The following OPHN1 variants were observed in gnomAD, a reference collection of about 807,000 sequenced individuals.
The protein encoded by OPHN1 is oligophrenin 1, also known as oligophrenin-1.
A neutral mutation model predicts 60.7 loss-of-function variants in OPHN1; 11 were observed. The ratio of observed to expected loss-of-function variants is 0.18; its 90% CI spans 0.11 to 0.30. The LOEUF (loss-of-function observed/expected upper bound fraction) is 0.30, where lower values mean the gene tolerates loss of function less well. OPHN1 is among the 10% of genes least tolerant of loss of function. The probability of loss-of-function intolerance (pLI) is 1.00; values close to 1 mark genes in which losing one functional copy is unlikely to be tolerated. For missense variants in OPHN1, 449 were observed against 611.0 expected (o/e 0.73, Z 2.80); for synonymous variants, 226 against 222.6 (o/e 1.02, Z -0.14).
At chrX:68,088,713 T>C (rs1337376638) in intron 19 of OPHN1, among the ~76,000 whole-genome samples, 4 of 110,619 alleles carry the variant, frequency 3.6e-5, no homozygotes, top group Non-Finnish European at 7.6e-5. Flanking sequence ...ATGTACAAAG[T>C]ACTTGAAACA....
At chrX:68,319,502 G>A (rs1170026258) in intron 2 of OPHN1, among the ~76,000 whole-genome samples, 1 of 110,972 alleles carries the variant, frequency 9.0e-6, no homozygotes, top group East Asian at 2.8e-4. Context: ...TTGGGAGGCC[G>A]AGGCAGGTGG....
intron 2 of OPHN1, among the ~76,000 whole-genome samples, chrX:68,395,514 C>A (rs746955031): frequency 9.3e-6 from 1 of 107,666 alleles, no homozygotes; most frequent in Admixed American, 1.0e-4. Context: ...ATGGCACGAT[C>A]TCGGCTCACT....
intron 2 of OPHN1, among the ~76,000 whole-genome samples, chrX:68,311,663 C>A (rs915881748): frequency 8.9e-6 from 1 of 112,177 alleles, no homozygotes; most frequent in Non-Finnish European, 1.9e-5. Flanking sequence ...GAGCTCCTGA[C>A]CTCAAGTGAT....
intron 2 of OPHN1, among the ~76,000 whole-genome samples, chrX:68,398,960 AGTGTGT>A (rs113103699): frequency 0.041 from 3,926 of 94,754 alleles, 82 homozygotes; most frequent in Non-Finnish European, 0.045. Flanking sequence ...AAACAAAAAA[AGTGTGT>A]GTGTGTGTGT....
At chrX:68,262,515 G>A (rs995033458) in intron 5 of OPHN1, among the ~76,000 whole-genome samples, 1 of 112,177 alleles carries the variant, frequency 8.9e-6, no homozygotes, top group East Asian at 2.8e-4. Flanking sequence ...TGGGCGTGGT[G>A]GCTCACCCCT....
At chrX:68,416,033 A>T (rs1401751979) in intron 2 of OPHN1, among the ~76,000 whole-genome samples, 14 of 29,773 alleles carry the variant, frequency 4.7e-4, no homozygotes, top group Admixed American at 2.8e-3. Flanking sequence ...AAAATTATAT[A>T]ATATATATAT....
rs1189295859 is a variant in OPHN1 at position 68,248,275 on chromosome X, GC to G, written c.385-13688del. On this transcript the variant is annotated intron_variant, in intron 5 of 24. Transcript: ENST00000355520. ...GAAAAGAAAACTGGACCAAAAATGG[GC>G]AAAAGATTTGAATAGACATTTCTCA... 2.9e-5 allele frequency among the ~76,000 whole-genome samples: 3 copies of G among 102,591 alleles called. No individual in the cohort carries two copies. In the Admixed American group the frequency reaches 3.1e-4, roughly 11 times the overall value. The allele number at this position is 102,591 out of a possible 115,157, so 89.1% of individuals were successfully genotyped here. A position where few individuals can be genotyped will look rare whatever the true frequency, so the allele number is the denominator to read the frequency against.
chrX:68,170,992 G>A lies in OPHN1; in HGVS notation c.1276+21927C>T, dbSNP rs968671220. On this transcript the variant is annotated intron_variant, in intron 15 of 24. Coordinates refer to ENST00000355520, the MANE Select transcript of OPHN1 (RefSeq NM_002547.3). Reference sequence around the variant, plus strand: ...GTTACAAGAGTCTGGGAAGAAGCAGGGGAGTGGAGATGGTTAATAGGTACA... The same window carrying A: ...GTTACAAGAGTCTGGGAAGAAGCAGAGGAGTGGAGATGGTTAATAGGTACA... 3.6e-5 allele frequency among the ~76,000 whole-genome samples: 4 copies of A among 111,097 alleles called. No individual in the cohort carries two copies. In the Admixed American group the frequency reaches 3.8e-4, roughly 11 times the overall value.
chrX:68,298,613 C>T (rs944393287), intron 3 of OPHN1, among the ~76,000 whole-genome samples: 8 of 111,904 alleles, frequency 7.1e-5, no homozygotes, highest in African/African-American at 2.6e-4. Flanking sequence ...GTTGTAGACA[C>T]ACAAATGCTA....
At chrX:68,270,851 T>C (rs955815370) in intron 5 of OPHN1, among the ~76,000 whole-genome samples, 1 of 111,656 alleles carries the variant, frequency 9.0e-6, no homozygotes, top group Non-Finnish European at 1.9e-5. Flanking sequence ...AGAAGTGCTG[T>C]TTCCTGCAAA....
At chrX:68,056,493 T>C (rs980453165) in intron 21 of OPHN1, among the ~76,000 whole-genome samples, 9 of 111,885 alleles carry the variant, frequency 8.0e-5, no homozygotes, top group Non-Finnish European at 1.5e-4. Context: ...ACACTATTCA[T>C]GTGCACACAT....
chrX:68,272,506 C>G (rs2077974653), intron 5 of OPHN1, among the ~76,000 whole-genome samples: 1 of 112,236 alleles, frequency 8.9e-6, no homozygotes, highest in Non-Finnish European at 1.9e-5. Context: ...GATTATAATA[C>G]AGTATTTTTA....
chrX:68,422,484 A>G (rs986411435), intron 2 of OPHN1, among the ~76,000 whole-genome samples: 3 of 104,207 alleles, frequency 2.9e-5, no homozygotes, highest in Non-Finnish European at 5.9e-5. Context: ...ACAGACAGAA[A>G]GAGAGAGAGA....
At chrX:68,059,272 G>T (rs1006267061) in intron 21 of OPHN1, among the ~76,000 whole-genome samples, 2 of 111,784 alleles carry the variant, frequency 1.8e-5, no homozygotes, top group Admixed American at 9.5e-5. Context: ...CTTAACATTT[G>T]CAGAGTTCTT....
Position 68,045,537 on chromosome X carries a change from C to T in OPHN1, c.*1635G>A, listed in dbSNP as rs1339754763. The T allele has an allele frequency of 8.9e-6, 1 of 111,819 alleles. No individual in the cohort carries two copies. Among genetic ancestry groups the T allele is most frequent in the Non-Finnish European group, 1.9e-5 (1 of 53,220 alleles). 9.2% of individuals were successfully genotyped at this position (111,819 alleles called of 1,213,427 possible). Reference sequence around the variant, plus strand: ...GTAGAAGAGTGCAAGTAGGAAAGCTCTTTCCCTCACACTGGGCAACATTAT... The same window carrying T: ...GTAGAAGAGTGCAAGTAGGAAAGCTTTTTCCCTCACACTGGGCAACATTAT... On this transcript the variant is annotated 3_prime_UTR_variant, in exon 25 of 25. Coordinates refer to ENST00000355520, the MANE Select transcript of OPHN1 (RefSeq NM_002547.3).
chrX:68,181,353 G>T (rs753676154), intron 15 of OPHN1, among the ~76,000 whole-genome samples: 8 of 111,608 alleles, frequency 7.2e-5, no homozygotes, highest in Non-Finnish European at 1.3e-4. Flanking sequence ...GATTAAAATT[G>T]CCAGATAAAA....
intron 15 of OPHN1, among the ~76,000 whole-genome samples, chrX:68,155,210 G>T (rs2077304162): frequency 9.0e-6 from 1 of 111,678 alleles, no homozygotes; most frequent in African/African-American, 3.3e-5. Flanking sequence ...ATAAATCAGT[G>T]GTTCTCTCAT....
chrX:68,254,676 G>T (rs955152124), intron 5 of OPHN1, among the ~76,000 whole-genome samples: 8 of 111,133 alleles, frequency 7.2e-5, no homozygotes, highest in Admixed American at 2.9e-4. Flanking sequence ...GGCAACTTTG[G>T]TAAGACATTT....
At chrX:68,316,901 G>T (rs960065018) in intron 2 of OPHN1, among the ~76,000 whole-genome samples, 2 of 111,498 alleles carry the variant, frequency 1.8e-5, no homozygotes, top group East Asian at 2.8e-4. Flanking sequence ...CTATTATTCT[G>T]CCTACCACAG....
Sources: gnomAD v4.1 joint callset for allele counts (sites outside exome capture counted in the v4.1 genomes callset) on GRCh38, gnomAD v4.1.1 for gene constraint, MANE v1.5 for transcripts, NCBI Gene and HGNC (gene_info 2026-07-23, HGNC 2026-07-21) for gene names.